The following APOH variants were observed in gnomAD, a reference collection of about 807,000 sequenced individuals.
APOH encodes the protein beta-2-glycoprotein 1.
Under a neutral mutation model 39.8 loss-of-function variants are expected in APOH, and 48 were observed. The ratio of observed to expected loss-of-function variants is 1.21; its 90% CI spans 0.96 to 1.54. The LOEUF (loss-of-function observed/expected upper bound fraction) is 1.54. Ranked by LOEUF, APOH falls within the 40% of genes most tolerant of loss-of-function variation. APOH has a pLI of 0.00. For synonymous variants in APOH, 153 were observed against 151.1 expected, an observed-to-expected ratio of 1.01 and a Z score of -0.09; for missense variants, 415 against 421.2, an observed-to-expected ratio of 0.99 and a Z score of 0.13.
chr17:66,216,035 T>G (rs967900430), intron 6 of APOH, among the ~76,000 whole-genome samples: 17 of 151,906 alleles, frequency 1.1e-4, no homozygotes, highest in African/African-American at 3.6e-4. Context: ...GAGCCTTGGC[T>G]AGACAGAGCA....
intron 5 of APOH, among the ~76,000 whole-genome samples, chr17:66,219,667 C>G (rs1355105617): frequency 6.6e-6 from 1 of 152,100 alleles, no homozygotes; most frequent in African/African-American, 2.4e-5. Context: ...ACCTGTAAGC[C>G]CAGCACTTTG....
rs764232368 is a variant in APOH at position 66,226,076 on chromosome 17, T to C, written c.290A>G (p.Tyr97Cys). Residue 97 changes from tyrosine (Y) to cysteine (C), a missense_variant, in exon 3 of 8, where the codon TAT (tyrosine) becomes TGT (cysteine). Around this residue, in one of 3 missense-constraint regions of APOH, gnomAD observed 288 missense variants for 284.9 expected, o/e 1.01. Coordinates refer to ENST00000205948, the MANE Select transcript of APOH (RefSeq NM_000042.3). ...AGILENGAVR[Y>C]TTFEYPNTIS... Reference sequence around the variant, plus strand: ...CGTGTTGGGATATTCAAAAGTCGTATAGCGTACGGCTCCATTTTCTAAGAT... The same window carrying C: ...CGTGTTGGGATATTCAAAAGTCGTACAGCGTACGGCTCCATTTTCTAAGAT... 1 of 1,613,934 alleles carries C rather than the reference T, an allele frequency of 6.2e-7. No homozygotes were observed. Among genetic ancestry groups the C allele is most frequent in the Non-Finnish European group, 8.5e-7 (1 of 1,179,910 alleles).
intron 7 of APOH, among the ~76,000 whole-genome samples, chr17:66,214,117 T>A (rs941874263): frequency 6.6e-6 from 1 of 152,154 alleles, no homozygotes; most frequent in African/African-American, 2.4e-5. Context: ...TGGAGTGCAA[T>A]GGCGCGATCT....
intron 6 of APOH, among the ~76,000 whole-genome samples, chr17:66,216,556 C>G (rs1015085774): frequency 2.6e-5 from 4 of 151,882 alleles, no homozygotes; most frequent in African/African-American, 9.7e-5. Context: ...GATCTCCCAC[C>G]ATATCACCAA....
At chr17:66,217,170 C>T (rs956390877) in intron 5 of APOH, among the ~76,000 whole-genome samples, 2 of 152,126 alleles carry the variant, frequency 1.3e-5, no homozygotes, top group African/African-American at 4.8e-5. Flanking sequence ...AAGAAACAAC[C>T]ACACTTTGAA....
intron 4 of APOH, among the ~76,000 whole-genome samples, chr17:66,222,341 G>A (rs8178844): frequency 0.56 from 85,171 of 151,660 alleles, 24,766 homozygotes; most frequent in East Asian, 0.83. Flanking sequence ...CTGTGATCAC[G>A]CCACTGCACT....
intron 3 of APOH, among the ~76,000 whole-genome samples, chr17:66,224,631 AG>A (rs2073424516): frequency 1.7e-5 from 2 of 120,964 alleles, no homozygotes; most frequent in African/African-American, 3.4e-5. Flanking sequence ...GAAAGAAGAA[AG>A]GAAGAGAAGG....
chr17:66,226,111 A>T lies in APOH; in HGVS notation c.255T>A (p.Pro85=), dbSNP rs748696507. 2.5e-6 allele frequency: 4 copies of T among 1,612,840 alleles called. No homozygotes were observed. Among genetic ancestry groups the T allele is most frequent in the Non-Finnish European group, 8.5e-7 (1 of 1,179,318 alleles). Residue 85 remains proline, a synonymous_variant, in exon 3 of 8, where the codon CCT becomes CCA. Coordinates refer to ENST00000205948, the MANE Select transcript of APOH (RefSeq NM_000042.3). The part of the protein sequence containing the change: ...NTLKCTPRVC[P]FAGILENGAV... ...CTCCATTTTCTAAGATTCCAGCAAA[A>T]GGACATACTCTGGCTGTGATACAAA...
chr17:66,227,302 T>TAACAG lies in APOH; in HGVS notation c.241+717_241+718insCTGTT, dbSNP rs1306885663. On this transcript the variant is annotated intron_variant, in intron 2 of 7. Coordinates refer to ENST00000205948, the MANE Select transcript of APOH (RefSeq NM_000042.3). Reference sequence around the variant, plus strand: ...CAACTTGCATGAACATGCATAACTTTGACAAAGGTCCTGTTCATATAACCA... The same window carrying TAACAG: ...CAACTTGCATGAACATGCATAACTTTAACAGGACAAAGGTCCTGTTCATATAACCA... Among the ~76,000 whole-genome samples the TAACAG allele has an allele frequency of 1.4e-4, 21 of 152,184 alleles. 1 individual carries two copies.
intron 6 of APOH, 68 bp from the exon 7 acceptor site, chr17:66,214,718 A>G (rs2073354573): frequency 1.4e-6 from 2 of 1,393,970 alleles, no homozygotes; most frequent in African/African-American, 2.9e-5. Flanking sequence ...AGAGTATAGC[A>G]TTTGAAACAG....
chr17:66,212,232 T>C (rs2073340629), intron 7 of APOH, 44 bp from the exon 8 acceptor site: 1 of 1,553,760 alleles, frequency 6.4e-7, no homozygotes, highest in Non-Finnish European at 8.9e-7. Context: ...GAAACAATCA[T>C]TTCTTAAATG....
At chr17:66,226,790 A>G (rs1023135801) in intron 2 of APOH, among the ~76,000 whole-genome samples, 2 of 152,244 alleles carry the variant, frequency 1.3e-5, no homozygotes, top group Admixed American at 1.3e-4. Context: ...ATACAAAATT[A>G]TACCTGCTCT....
intron 1 of APOH, among the ~76,000 whole-genome samples, chr17:66,228,972 A>G (rs2147000892): frequency 6.6e-6 from 1 of 151,764 alleles, no homozygotes; most frequent in East Asian, 2.0e-4. Context: ...GGCTGGGATT[A>G]CAGGCGCCTG....
At chr17:66,222,744 T>A (rs921262495) in intron 4 of APOH, among the ~76,000 whole-genome samples, 5 of 152,070 alleles carry the variant, frequency 3.3e-5, no homozygotes, top group Admixed American at 6.6e-5. Context: ...GCTGATTTTA[T>A]ATTTTTAGTA....
rs759731820 is a variant in APOH at position 66,226,014 on chromosome 17, A to T, written c.338+14T>A. The T allele has an allele frequency of 5.7e-6, 9 of 1,592,188 alleles. No homozygotes were observed. In the Admixed American group the frequency reaches 1.2e-4, roughly 21 times the overall value. ...CTCAGTCTGTTAACTGCTTAGTTCC[A>T]TGAAAGTTCTTACCCAGTGTTACAA... is the stretch of plus-strand genomic sequence containing the variant. On this transcript the variant is annotated intron_variant, in intron 3 of 7. Transcript: ENST00000205948.
rs564570357 is a variant in APOH at position 66,219,253 on chromosome 17, C to T, written c.604+1301G>A. Among the ~76,000 whole-genome samples the T allele has an allele frequency of 1.2e-4, 18 of 151,898 alleles. No homozygotes were observed. The South Asian group carries it at 3.8e-3, about 32-fold the overall frequency. Reference sequence around the variant, plus strand: ...ATATGAAGTGATGATATAAAATGTCCTTGTTCTTAGTATATTCAGGCTGAA... The same window carrying T: ...ATATGAAGTGATGATATAAAATGTCTTTGTTCTTAGTATATTCAGGCTGAA... On this transcript the variant is annotated intron_variant, in intron 5 of 7. Coordinates refer to ENST00000205948, the MANE Select transcript of APOH (RefSeq NM_000042.3).
chr17:66,226,021 T>A lies in APOH; in HGVS notation c.338+7A>T. ...TGTTAACTGCTTAGTTCCATGAAAG[T>A]TCTTACCCAGTGTTACAAGAAAAAC... On this transcript the variant is annotated splice_region_variant and intron_variant, in intron 3 of 7. Coordinates refer to ENST00000205948, the MANE Select transcript of APOH (RefSeq NM_000042.3). 6.2e-7 allele frequency: 1 copy of A among 1,603,406 alleles called. No individual in the cohort carries two copies.
At chr17:66,227,494 G>T (rs1170941223) in intron 2 of APOH, among the ~76,000 whole-genome samples, 1 of 152,088 alleles carries the variant, frequency 6.6e-6, no homozygotes, top group Non-Finnish European at 1.5e-5. Context: ...ACCATTTACA[G>T]TAAAGCCATA....
In APOH at chr17:66,226,124, G is replaced by T. The variant is rs373786395; in HGVS notation, c.242C>A (p.Pro81His). 6.2e-5 allele frequency: 100 copies of T among 1,602,256 alleles called. No individual in the cohort carries two copies. The highest frequency in any genetic ancestry group is 8.4e-5 in the Non-Finnish European group (99 of 1,174,750). Residue 81 changes from proline (P) to histidine (H), a missense_variant and splice_region_variant, in exon 3 of 8, where the codon CCC becomes CAC. Physicochemically the swap from Pro to His is moderately conservative, Grantham distance 77. Transcript: ENST00000205948. ...LWPINTLKCT[P>H]RVCPFAGILE... ...GATTCCAGCAAAAGGACATACTCTG[G>T]CTGTGATACAAAGATAAAAAATGTT...
Sources: allele counts gnomAD v4.1 joint callset (sites outside exome capture counted in the v4.1 genomes callset), GRCh38; gene constraint gnomAD v4.1.1; regional missense constraint gnomAD v4.1.1; transcripts MANE v1.5; gene names NCBI Gene and HGNC (gene_info 2026-07-23, HGNC 2026-07-21).